The following RALGAPA2 variants were observed in gnomAD, a reference collection of about 807,000 sequenced individuals.
The protein encoded by RALGAPA2 is Ral GTPase activating protein catalytic subunit alpha 2.
RALGAPA2 carries 139 observed loss-of-function variants against 230.4 expected under a neutral mutation model. That is an observed-to-expected ratio of 0.60 (90% CI 0.53 to 0.69). The LOEUF is 0.69. Ranked by LOEUF, RALGAPA2 falls within the 30% of genes least tolerant of loss-of-function variation. The pLI is 0.00. For synonymous variants in RALGAPA2, 847 were observed against 837.8 expected, an observed-to-expected ratio of 1.01 and a Z score of -0.19; for missense variants, 2,163 against 2,276.0, an observed-to-expected ratio of 0.95 and a Z score of 1.01.
intron 16 of RALGAPA2, among the ~76,000 whole-genome samples, chr20:20,595,115 G>A (rs2065412962): frequency 6.6e-6 from 1 of 152,038 alleles, no homozygotes; most frequent in Non-Finnish European, 1.5e-5. Context: ...AAGGCAGTGT[G>A]ATCAAATTAA....
At chr20:20,629,111 T>G in intron 10 of RALGAPA2, among the ~76,000 whole-genome samples, 1 of 152,188 alleles carries the variant, frequency 6.6e-6, no homozygotes, top group Middle Eastern at 3.2e-3. Context: ...GTCTCATGAT[T>G]TTGCTCAAAT....
intron 10 of RALGAPA2, 118 bp downstream of exon 10, chr20:20,629,245 C>G (rs1287822427): frequency 1.3e-6 from 1 of 788,984 alleles, no homozygotes; most frequent in African/African-American, 1.7e-5. Context: ...CATAACCCAA[C>G]TCACCAATTC....
At chr20:20,478,933 A>C (rs2061712076) in intron 36 of RALGAPA2, among the ~76,000 whole-genome samples, 3 of 152,196 alleles carry the variant, frequency 2.0e-5, no homozygotes, top group Admixed American at 2.0e-4. Flanking sequence ...AGGTGAATCA[A>C]GAAAAAAAAA....
intron 38 of RALGAPA2, 31 bp downstream of exon 38, chr20:20,411,996 C>T (rs763780773): frequency 1.4e-5 from 23 of 1,613,104 alleles, no homozygotes; most frequent in African/African-American, 2.7e-5. Context: ...GCGTCTTAAG[C>T]GCGTGAGAGA....
At chr20:20,473,716 G>C (rs1011162370) in intron 36 of RALGAPA2, among the ~76,000 whole-genome samples, 1 of 152,172 alleles carries the variant, frequency 6.6e-6, no homozygotes, top group African/African-American at 2.4e-5. Flanking sequence ...ACAAGTTTCT[G>C]TGCTTGCCTT....
At chr20:20,634,976 C>T (rs1027562562) in intron 9 of RALGAPA2, among the ~76,000 whole-genome samples, 1 of 152,206 alleles carries the variant, frequency 6.6e-6, no homozygotes, top group Non-Finnish European at 1.5e-5. Context: ...AGCTGCTGAT[C>T]TACTTCCCTC....
chr20:20,533,696 A>G (rs2063426062), intron 26 of RALGAPA2, among the ~76,000 whole-genome samples: 1 of 152,192 alleles, frequency 6.6e-6, no homozygotes, highest in African/African-American at 2.4e-5. Context: ...CATTTTTTTC[A>G]GGTTTATATG....
intron 38 of RALGAPA2, among the ~76,000 whole-genome samples, chr20:20,397,930 G>A (rs995160889): frequency 2.0e-5 from 3 of 152,188 alleles, no homozygotes; most frequent in African/African-American, 7.2e-5. Context: ...CGTTAACACC[G>A]TTCCTTCTCC....
chr20:20,673,269 G>C (rs1018886508), intron 3 of RALGAPA2, among the ~76,000 whole-genome samples: 1 of 149,420 alleles, frequency 6.7e-6, no homozygotes, highest in African/African-American at 2.4e-5. Context: ...GACATTTAAA[G>C]GAACAACAAT....
intron 35 of RALGAPA2, among the ~76,000 whole-genome samples, chr20:20,496,428 C>T (rs2062206635): frequency 6.6e-6 from 1 of 152,120 alleles, no homozygotes; most frequent in Admixed American, 6.5e-5. Flanking sequence ...AAAATGTTGG[C>T]CAAAATTGAA....
chr20:20,403,228 G>T (rs1188611550), intron 38 of RALGAPA2, among the ~76,000 whole-genome samples: 1 of 152,218 alleles, frequency 6.6e-6, no homozygotes, highest in Non-Finnish European at 1.5e-5. Context: ...TCCAGTGAAG[G>T]AAGGGCTGCT....
rs145221872 is a variant in RALGAPA2 at position 20,444,407 on chromosome 20, TCTTA to T, written c.5495+28418_5495+28421del. Among the ~76,000 whole-genome samples the T allele has an allele frequency of 8.3e-3, 1,260 of 152,158 alleles. 16 individuals are homozygous for T. Among genetic ancestry groups the T allele is most frequent in the African/African-American group, 0.029 (1,210 of 41,496 alleles). On this transcript the variant is annotated intron_variant, in intron 37 of 39. Coordinates refer to ENST00000202677, the MANE Select transcript of RALGAPA2 (RefSeq NM_020343.4). ...CACCTCGTTTCCCAATTTGAGGAGA[TCTTA>T]CTTATTTCAAGAAATTTTAAAACTT...
rs572182910 is a variant in RALGAPA2 at position 20,531,499 on chromosome 20, G to A, written c.3582+188C>T. Among the ~76,000 whole-genome samples the A allele has an allele frequency of 4.6e-5, 7 of 152,348 alleles. No homozygotes were observed. The South Asian group carries it at 1.5e-3, about 32-fold the overall frequency. On this transcript the variant is annotated intron_variant, in intron 27 of 39. Transcript: ENST00000202677. ...TCCAGGAAGACTCGAGACACTCGTG[G>A]CCAGGCTGCAGCTGCCAGCAGGGGA...
Position 20,412,014 on chromosome 20 carries a change from T to G in RALGAPA2, c.5617+13A>C, listed in dbSNP as rs756097574. The G allele has an allele frequency of 5.0e-6, 8 of 1,613,756 alleles. No individual in the cohort carries two copies. The Admixed American group carries it at 8.3e-5, about 17-fold the overall frequency. ...TCTTAAGCGCGTGAGAGAAGAATAA[T>G]GTAGACACTCACCCGTTCCGCTGAG... On this transcript the variant is annotated intron_variant, in intron 38 of 39. Coordinates refer to ENST00000202677, the MANE Select transcript of RALGAPA2 (RefSeq NM_020343.4).
At chr20:20,530,418 T>C (rs1374831884) in intron 27 of RALGAPA2, among the ~76,000 whole-genome samples, 1 of 152,014 alleles carries the variant, frequency 6.6e-6, no homozygotes, top group African/African-American at 2.4e-5. Flanking sequence ...CCACCTCCAC[T>C]AGGTGTTGTG....
chr20:20,438,463 G>C (rs1475926521), intron 37 of RALGAPA2, among the ~76,000 whole-genome samples: 1 of 152,232 alleles, frequency 6.6e-6, no homozygotes, highest in Non-Finnish European at 1.5e-5. Flanking sequence ...ATGGCACAAA[G>C]AAGGTTGAGA....
chr20:20,576,532 T>C (rs2064824159), intron 20 of RALGAPA2, among the ~76,000 whole-genome samples: 1 of 152,150 alleles, frequency 6.6e-6, no homozygotes, highest in Non-Finnish European at 1.5e-5. Context: ...ATGTATGATA[T>C]TTTTCCAACA....
chr20:20,569,087 T>C (rs747354188), intron 23 of RALGAPA2, among the ~76,000 whole-genome samples: 6 of 152,244 alleles, frequency 3.9e-5, no homozygotes, highest in Non-Finnish European at 7.3e-5. Flanking sequence ...TTCTTTTCTT[T>C]TTATAATTAA....
At chr20:20,517,121 C>T (rs2062896989) in intron 31 of RALGAPA2, among the ~76,000 whole-genome samples, 2 of 152,164 alleles carry the variant, frequency 1.3e-5, no homozygotes, top group Non-Finnish European at 2.9e-5. Flanking sequence ...GATAGCCCTC[C>T]TGGAACAATT....
Sources: allele counts gnomAD v4.1 joint callset (sites outside exome capture counted in the v4.1 genomes callset), GRCh38; gene constraint gnomAD v4.1.1; transcripts MANE v1.5; gene names NCBI Gene and HGNC (gene_info 2026-07-23, HGNC 2026-07-21).